The following GALNT11 variants were observed in gnomAD, a reference collection of about 807,000 sequenced individuals.
GALNT11 encodes the protein UDP-GalNAc:polypeptide N-acetylgalactosaminyltransferase 11.
In GALNT11, 47 loss-of-function variants were observed where a neutral mutation model predicts 72.7. That is an observed-to-expected ratio of 0.65 (90% CI 0.51 to 0.82). GALNT11 has a LOEUF of 0.82. GALNT11 is among the 40% of genes least tolerant of loss of function. GALNT11 has a pLI of 0.00. For synonymous variants in GALNT11, 270 were observed against 286.6 expected (o/e 0.94, Z 0.58); for missense variants, 677 against 778.4 (o/e 0.87, Z 1.55).
At chr7:152,117,647 C>T (rs2089009952) in intron 9 of GALNT11, 1 of 438,478 alleles carries the variant, frequency 2.3e-6, no homozygotes, top group Admixed American at 4.0e-5. Context: ...GGAATACACC[C>T]CGGACAGAGG....
At chr7:152,080,260 A>G (rs953223526) in intron 1 of GALNT11, among the ~76,000 whole-genome samples, 1 of 152,136 alleles carries the variant, frequency 6.6e-6, no homozygotes, top group Non-Finnish European at 1.5e-5. Flanking sequence ...GGCTATGGAA[A>G]TCCCCTTTGC....
At position 152,110,677 on chromosome 7, in the gene GALNT11, CTG is replaced by C. The variant is rs1563079051; in HGVS notation, c.1080+36_1080+37del. ...TAATTTTTGCATGCTCAATTAATAA[CTG>C]TGTAGTGGAATATGATTTTCATCCA... On this transcript the variant is annotated intron_variant, in intron 7 of 11. Transcript: ENST00000430044. The C allele has an allele frequency of 3.8e-6, 5 of 1,332,166 alleles. No homozygotes were observed. The Admixed American group carries it at 5.4e-5, about 14-fold the overall frequency. 82.5% of individuals were successfully genotyped at this position (1,332,166 alleles called of 1,614,324 possible). A position where few individuals can be genotyped will look rare whatever the true frequency, so the allele number is the denominator to read the frequency against.
At chr7:152,095,098 A>G (rs2086286995) in intron 2 of GALNT11, among the ~76,000 whole-genome samples, 1 of 152,224 alleles carries the variant, frequency 6.6e-6, no homozygotes, top group Non-Finnish European at 1.5e-5. Context: ...TATATCTAAT[A>G]TGATTTTCAC....
intron 1 of GALNT11, among the ~76,000 whole-genome samples, chr7:152,081,270 T>C (rs2085308820): frequency 6.6e-6 from 1 of 152,136 alleles, no homozygotes; most frequent in African/African-American, 2.4e-5. Context: ...TGGAGCACAG[T>C]TTTATAGCTG....
At chr7:152,048,375 A>C (rs774997560) in intron 1 of GALNT11, among the ~76,000 whole-genome samples, 1 of 151,954 alleles carries the variant, frequency 6.6e-6, no homozygotes, top group African/African-American at 2.4e-5. Flanking sequence ...ACATTGAAGC[A>C]GTCTTATTTG....
At chr7:152,119,967 G>A (rs374548502) in intron 10 of GALNT11, 3 of 152,246 alleles carry the variant, frequency 2.0e-5, no homozygotes, top group African/African-American at 7.2e-5. Context: ...TTTCAGTGGT[G>A]TAGGTCACAG....
intron 1 of GALNT11, among the ~76,000 whole-genome samples, chr7:152,089,284 A>G (rs1451245029): frequency 6.6e-6 from 1 of 152,186 alleles, no homozygotes; most frequent in African/African-American, 2.4e-5. Context: ...GATATCTCAA[A>G]AAAACAATCT....
chr7:152,057,867 A>G (rs1181183231), intron 1 of GALNT11, among the ~76,000 whole-genome samples: 1 of 152,160 alleles, frequency 6.6e-6, no homozygotes, highest in Non-Finnish European at 1.5e-5. Flanking sequence ...TGTTCTAAGG[A>G]CAATAGGTAA....
At chr7:152,114,664 G>A (rs1471390285) in intron 8 of GALNT11, among the ~76,000 whole-genome samples, 1 of 151,888 alleles carries the variant, frequency 6.6e-6, no homozygotes, top group Non-Finnish European at 1.5e-5. Flanking sequence ...GGGTTCGAGT[G>A]ATTCTCCTGC....
chr7:152,099,868 A>G (rs1424840057), intron 2 of GALNT11, among the ~76,000 whole-genome samples: 2 of 147,288 alleles, frequency 1.4e-5, no homozygotes, highest in Non-Finnish European at 3.0e-5. Flanking sequence ...GGGCTCAAGC[A>G]GTCTTCCTGC....
intron 8 of GALNT11, among the ~76,000 whole-genome samples, chr7:152,115,091 T>C (rs2088696587): frequency 6.6e-6 from 1 of 152,230 alleles, no homozygotes; most frequent in South Asian, 2.1e-4. Flanking sequence ...TTGACCAGAC[T>C]TTGAGGTCTA....
intron 1 of GALNT11, among the ~76,000 whole-genome samples, chr7:152,029,367 T>C: frequency 6.6e-6 from 1 of 152,216 alleles, no homozygotes; most frequent in East Asian, 1.9e-4. Context: ...GCAGTGGCCA[T>C]TTCTAACCCT....
intron 1 of GALNT11, among the ~76,000 whole-genome samples, chr7:152,073,122 A>G (rs566118335): frequency 1.3e-5 from 2 of 152,320 alleles, no homozygotes; most frequent in South Asian, 2.1e-4. Flanking sequence ...CATATCCATC[A>G]TCTCATACAT....
chr7:152,041,791 A>G (rs1160114578), intron 1 of GALNT11, among the ~76,000 whole-genome samples: 1 of 152,226 alleles, frequency 6.6e-6, no homozygotes, highest in East Asian at 1.9e-4. Context: ...AATGTCCCCT[A>G]GTAATTTTTG....
At chr7:152,101,868 G>A (rs769260943) in intron 3 of GALNT11, among the ~76,000 whole-genome samples, 3 of 151,994 alleles carry the variant, frequency 2.0e-5, no homozygotes, top group Non-Finnish European at 4.4e-5. Context: ...TCCTGACCTC[G>A]TGATCTGCCC....
intron 11 of GALNT11, 51 bp from the exon 12 acceptor site, chr7:152,121,495 C>A (rs779631906): frequency 6.3e-7 from 1 of 1,579,846 alleles, no homozygotes; most frequent in East Asian, 2.2e-5. Context: ...TCTGGATTTC[C>A]ATGTTTTGCC....
chr7:152,066,210 G>A (rs1163584862), intron 1 of GALNT11, among the ~76,000 whole-genome samples: 1 of 152,228 alleles, frequency 6.6e-6, no homozygotes, highest in African/African-American at 2.4e-5. Flanking sequence ...AATGAGCAAG[G>A]CTCCGTGGGC....
chr7:152,027,938 A>T (rs987085618), intron 1 of GALNT11, among the ~76,000 whole-genome samples: 7 of 151,688 alleles, frequency 4.6e-5, no homozygotes, highest in African/African-American at 1.7e-4. Context: ...TCAGGAGTCA[A>T]CCTGCAGACC....
intron 1 of GALNT11, among the ~76,000 whole-genome samples, chr7:152,087,851 A>G (rs749923764): frequency 3.3e-5 from 5 of 152,230 alleles, no homozygotes; most frequent in Non-Finnish European, 5.9e-5. Context: ...CTGAGTATCC[A>G]ATAAGATGGA....
Sources: allele counts gnomAD v4.1 joint callset (sites outside exome capture counted in the v4.1 genomes callset), GRCh38; gene constraint gnomAD v4.1.1; transcripts MANE v1.5; gene names NCBI Gene and HGNC (gene_info 2026-07-23, HGNC 2026-07-21).